HYCC1: variants seen among roughly 807,000 people sequenced by gnomAD.
HYCC1 encodes hyccin.
At chr7:22,949,117 T>A in the HYCC1 span, among the ~76,000 whole-genome samples, 1 of 152,062 alleles carries the variant, frequency 6.6e-6, no homozygotes, top group Non-Finnish European at 1.5e-5. Flanking sequence ...ATATTAAAAT[T>A]TAATAAAATT....
At chr7:22,907,058 T>G in the HYCC1 span, among the ~76,000 whole-genome samples, 1 of 128,828 alleles carries the variant, frequency 7.8e-6, no homozygotes, top group Non-Finnish European at 1.6e-5. Context: ...TAAGCCGAGA[T>G]CGTGCCACTG....
chr7:22,933,792 T>C, the HYCC1 span, among the ~76,000 whole-genome samples: 1 of 152,228 alleles, frequency 6.6e-6, no homozygotes, highest in Non-Finnish European at 1.5e-5. Flanking sequence ...CTGTCTCTGA[T>C]AACACTAATA....
At chr7:22,905,969 G>A in the HYCC1 span, among the ~76,000 whole-genome samples, 1 of 152,136 alleles carries the variant, frequency 6.6e-6, no homozygotes, top group Non-Finnish European at 1.5e-5. Flanking sequence ...ACCAGTTACA[G>A]TCTCCAGCCC....
chr7:23,001,565 T>C, the HYCC1 span, among the ~76,000 whole-genome samples: 1 of 152,182 alleles, frequency 6.6e-6, no homozygotes, highest in Admixed American at 6.6e-5. Context: ...ATTCAGATGA[T>C]TGTGTTTGGC....
the HYCC1 span, chr7:22,934,478 G>A: frequency 6.6e-6 from 1 of 152,010 alleles, no homozygotes; most frequent in South Asian, 2.1e-4. Context: ...ATTCCATAAT[G>A]GAAGAAGTAG....
chr7:22,899,912 G>T, the HYCC1 span, among the ~76,000 whole-genome samples: 10 of 151,868 alleles, frequency 6.6e-5, no homozygotes, highest in African/African-American at 2.4e-4. Flanking sequence ...AATCTGAAGA[G>T]AAATTCTGAT....
At chr7:22,928,827 A>G in the HYCC1 span, among the ~76,000 whole-genome samples, 1 of 54,844 alleles carries the variant, frequency 1.8e-5, no homozygotes, top group African/African-American at 7.1e-5. Context: ...ACAGAACTGG[A>G]AAAAAAAAAC....
At chr7:22,979,116 A>G in the HYCC1 span, among the ~76,000 whole-genome samples, 10 of 152,208 alleles carry the variant, frequency 6.6e-5, no homozygotes, top group African/African-American at 2.4e-4. Context: ...TATATATCCA[A>G]TGAACTATAC....
chr7:22,935,321 TTTA>T, the HYCC1 span: 1 of 152,292 alleles, frequency 6.6e-6, no homozygotes, highest in South Asian at 2.1e-4. Context: ...AGAGGATTTG[TTTA>T]TTACCAAGCA....
At chr7:23,003,928 A>G in the HYCC1 span, among the ~76,000 whole-genome samples, 6 of 152,212 alleles carry the variant, frequency 3.9e-5, no homozygotes, top group Non-Finnish European at 7.3e-5. Context: ...ATTCTCCCCA[A>G]TCAGAAACTA....
the HYCC1 span, among the ~76,000 whole-genome samples, chr7:22,903,530 T>C: frequency 6.6e-6 from 1 of 151,924 alleles, no homozygotes; most frequent in East Asian, 1.9e-4. Flanking sequence ...AAACAGAAAA[T>C]CTGAATAGCT....
chr7:22,976,221 T>C, the HYCC1 span: 6 of 1,609,026 alleles, frequency 3.7e-6, no homozygotes, highest in East Asian at 6.7e-5. Context: ...TTGAACAAAT[T>C]TGACACAGTG....
At chr7:22,983,505 C>T in the HYCC1 span, among the ~76,000 whole-genome samples, 8 of 152,258 alleles carry the variant, frequency 5.3e-5, no homozygotes, top group African/African-American at 1.9e-4. Context: ...TTTTACCTTG[C>T]CACCTGGAAA....
the HYCC1 span, among the ~76,000 whole-genome samples, chr7:22,926,924 T>C: frequency 6.6e-6 from 1 of 151,838 alleles, no homozygotes; most frequent in Non-Finnish European, 1.5e-5. Context: ...ATTGACCACA[T>C]AGTTGGAAGT....
the HYCC1 span, among the ~76,000 whole-genome samples, chr7:22,962,142 T>C: frequency 1.3e-5 from 2 of 152,136 alleles, no homozygotes; most frequent in African/African-American, 2.4e-5. Flanking sequence ...GGCTTCCACA[T>C]AGCCGGAACC....
the HYCC1 span, chr7:22,983,758 G>A: frequency 1.8e-6 from 1 of 564,092 alleles, no homozygotes. Context: ...AAAATGTTCA[G>A]AGATGGCTTC....
chr7:22,985,815 T>G, the HYCC1 span: 1 of 148,978 alleles, frequency 6.7e-6, no homozygotes, highest in South Asian at 2.1e-4. Flanking sequence ...TAAATCTAAA[T>G]TATATATATA....
At chr7:22,970,032 C>T in the HYCC1 span, among the ~76,000 whole-genome samples, 1 of 143,338 alleles carries the variant, frequency 7.0e-6, no homozygotes, top group African/African-American at 2.5e-5. Flanking sequence ...AAAAAATTTG[C>T]ATGGCTCTAG....
chr7:22,952,762 T>A, the HYCC1 span, among the ~76,000 whole-genome samples: 3 of 151,894 alleles, frequency 2.0e-5, no homozygotes, highest in African/African-American at 7.2e-5. Context: ...ATGCTTAACC[T>A]GGGCCAGTAT....
Sources: allele counts gnomAD v4.1 joint callset (sites outside exome capture counted in the v4.1 genomes callset), GRCh38; gene constraint gnomAD v4.1.1; transcripts MANE v1.5; gene names NCBI Gene and HGNC (gene_info 2026-07-23, HGNC 2026-07-21).